YPEL2: variants seen among roughly 807,000 people sequenced by gnomAD.
The protein encoded by YPEL2 is protein yippee-like 2.
Under a neutral mutation model 19.1 loss-of-function variants are expected in YPEL2, and 2 were observed. That is an observed-to-expected ratio of 0.10 (90% CI 0.04 to 0.33). The LOEUF is 0.33. Among genes scored for constraint, YPEL2 ranks in the 10% least tolerant of loss-of-function variants. The pLI is 1.00. For synonymous variants in YPEL2, 52 were observed against 50.0 expected (o/e 1.04, Z -0.17); for missense variants, 66 against 140.7 (o/e 0.47, Z 2.68).
intron 2 of YPEL2, chr17:59,354,424 T>C (rs2047802399): frequency 6.6e-6 from 1 of 152,186 alleles, no homozygotes; most frequent in Admixed American, 6.5e-5. Flanking sequence ...TTTTTTGTTT[T>C]GTTTTTAAAT....
In YPEL2 at chr17:59,388,331, T is replaced by C; in HGVS notation, c.122T>C (p.Phe41Ser). The change falls in exon 3 of 5, where the codon TTC becomes TCC. Residue 41 changes from phenylalanine to serine, a missense_variant. Phe to Ser is a radical substitution (Grantham distance 155, BLOSUM62 -2). Transcript: ENST00000312655. ...ANHDELISKS[F>S]QGSQGRAYLF... is the part of the protein sequence containing the mutation. ...ATTTGTTTTCTTGCATTTCAGTCAT[T>C]CCAAGGAAGTCAAGGACGAGCATAC... 6.2e-7 allele frequency: 1 copy of C among 1,614,184 alleles called. No individual in the cohort carries two copies. Among genetic ancestry groups the C allele is most frequent in the African/African-American group, 1.3e-5 (1 of 75,046 alleles).
At chr17:59,349,476 A>C (rs1210992216) in intron 1 of YPEL2, among the ~76,000 whole-genome samples, 4 of 150,020 alleles carry the variant, frequency 2.7e-5, no homozygotes, top group African/African-American at 9.8e-5. Flanking sequence ...CTGGGACTAC[A>C]GCTGGGACTA....
chr17:59,348,191 T>C (rs2047766512), intron 1 of YPEL2, among the ~76,000 whole-genome samples: 1 of 152,160 alleles, frequency 6.6e-6, no homozygotes, highest in African/African-American at 2.4e-5. Context: ...TCTTTTCCAG[T>C]CTTCACCTCC....
chr17:59,340,166 G>A (rs2047720749), intron 1 of YPEL2, among the ~76,000 whole-genome samples: 1 of 150,664 alleles, frequency 6.6e-6, no homozygotes, highest in Non-Finnish European at 1.5e-5. Context: ...GGAGTACAAT[G>A]GTGTGATCTC....
chr17:59,359,245 A>G (rs1449615543), intron 2 of YPEL2, among the ~76,000 whole-genome samples: 2 of 152,200 alleles, frequency 1.3e-5, no homozygotes, highest in African/African-American at 2.4e-5. Flanking sequence ...TTAATGTACA[A>G]TAAAACTACT....
chr17:59,336,822 C>T (rs1339852774), intron 1 of YPEL2, among the ~76,000 whole-genome samples: 1 of 152,160 alleles, frequency 6.6e-6, no homozygotes, highest in East Asian at 1.9e-4. Context: ...ATGCCACTTA[C>T]ATCTATTTGA....
intron 2 of YPEL2, among the ~76,000 whole-genome samples, chr17:59,379,835 A>G (rs187862502): frequency 1.0e-3 from 83 of 79,948 alleles, no homozygotes; most frequent in African/African-American, 5.0e-3. Flanking sequence ...GAGTGAACTC[A>G]GCACATCAAT....
chr17:59,396,708 A>G (rs1038644561), intron 4 of YPEL2, among the ~76,000 whole-genome samples: 7 of 152,290 alleles, frequency 4.6e-5, no homozygotes, highest in East Asian at 3.9e-4. Flanking sequence ...GATACCTGTC[A>G]TCTGCCCCTG....
chr17:59,332,749 C>T (rs2147930427), intron 1 of YPEL2, among the ~76,000 whole-genome samples: 1 of 152,316 alleles, frequency 6.6e-6, no homozygotes, highest in Middle Eastern at 3.4e-3. Context: ...CCGCTTGGAG[C>T]GGAGCTGCAC....
At chr17:59,360,370 C>T (rs1375747449) in intron 2 of YPEL2, among the ~76,000 whole-genome samples, 1 of 152,156 alleles carries the variant, frequency 6.6e-6, no homozygotes, top group African/African-American at 2.4e-5. Flanking sequence ...TGAGCCACTG[C>T]GCCCGGCCGT....
chr17:59,372,125 T>C (rs960610106), intron 2 of YPEL2, among the ~76,000 whole-genome samples: 5 of 152,174 alleles, frequency 3.3e-5, no homozygotes, highest in African/African-American at 1.2e-4. Context: ...ACCCAGAAAC[T>C]GGGCCTCTGT....
chr17:59,372,177 T>C (rs951749245), intron 2 of YPEL2, among the ~76,000 whole-genome samples: 2 of 152,214 alleles, frequency 1.3e-5, no homozygotes, highest in Admixed American at 6.5e-5. Context: ...TTTTAAAATG[T>C]GTACAGAAAG....
intron 2 of YPEL2, among the ~76,000 whole-genome samples, chr17:59,358,554 A>C (rs2047824675): frequency 6.6e-6 from 1 of 151,534 alleles, no homozygotes; most frequent in Non-Finnish European, 1.5e-5. Context: ...CAGGGCAGGT[A>C]GAGTTTCTCA....
At chr17:59,343,408 G>T (rs1473650182) in intron 1 of YPEL2, among the ~76,000 whole-genome samples, 1 of 152,158 alleles carries the variant, frequency 6.6e-6, no homozygotes, top group Admixed American at 6.5e-5. Flanking sequence ...ACTGCAAGAA[G>T]TTCCCAGTCT....
In YPEL2 at chr17:59,397,237, C is replaced by A; in HGVS notation, c.*47C>A. On this transcript the variant is annotated 3_prime_UTR_variant, in exon 5 of 5. Coordinates refer to ENST00000312655, the MANE Select transcript of YPEL2 (RefSeq NM_001005404.4). ...CAGTGTCCACGTGAACGCCATTCAA[C>A]CGAACATTCTTCCCAAGCGTGAGAG... is the stretch of plus-strand genomic sequence containing the variant. 1 of 1,445,684 alleles carries A rather than the reference C, an allele frequency of 6.9e-7. No individual in the cohort carries two copies. 89.6% of individuals were successfully genotyped at this position (1,445,684 alleles called of 1,614,324 possible). A position where few individuals can be genotyped will look rare whatever the true frequency, so the allele number is the denominator to read the frequency against.
chr17:59,396,147 A>G (rs557445629), intron 4 of YPEL2, among the ~76,000 whole-genome samples: 9 of 152,374 alleles, frequency 5.9e-5, no homozygotes, highest in Non-Finnish European at 1.3e-4. Flanking sequence ...GGAATGACAC[A>G]GAAACTTTAT....
At chr17:59,350,702 C>T (rs1279069474) in intron 1 of YPEL2, among the ~76,000 whole-genome samples, 1 of 152,324 alleles carries the variant, frequency 6.6e-6, no homozygotes, top group Admixed American at 6.5e-5. Context: ...TAACCAGAAA[C>T]TTCTACCTGT....
intron 2 of YPEL2, among the ~76,000 whole-genome samples, chr17:59,380,961 GA>G (rs2047946174): frequency 6.6e-6 from 1 of 152,218 alleles, no homozygotes; most frequent in Non-Finnish European, 1.5e-5. Context: ...AAAGAGGTTT[GA>G]AGAACCAAGT....
intron 1 of YPEL2, among the ~76,000 whole-genome samples, chr17:59,346,534 G>GGGA (rs1480769029): frequency 6.6e-6 from 1 of 152,092 alleles, no homozygotes; most frequent in African/African-American, 2.4e-5. Flanking sequence ...TGGAGAGGGA[G>GGGA]GGAGGGGCCT....
Sources: allele counts gnomAD v4.1 joint callset (sites outside exome capture counted in the v4.1 genomes callset), GRCh38; gene constraint gnomAD v4.1.1; transcripts MANE v1.5; gene names NCBI Gene and HGNC (gene_info 2026-07-23, HGNC 2026-07-21).